The following UNC13C variants were observed in gnomAD, a reference collection of about 807,000 sequenced individuals.
UNC13C encodes the protein unc-13 homolog C.
In UNC13C, 174 loss-of-function variants were observed where a neutral mutation model predicts 245.4. The observed-to-expected ratio is 0.71, with a 90% CI of 0.63 to 0.80. The LOEUF (loss-of-function observed/expected upper bound fraction) is 0.80, where lower values mean the gene tolerates loss of function less well. UNC13C is among the 30% of genes least tolerant of loss of function. UNC13C has a pLI of 0.00. For missense variants in UNC13C, 2,829 were observed against 2,602.9 expected, an observed-to-expected ratio of 1.09 and a Z score of -1.89; for synonymous variants, 992 against 895.1, an observed-to-expected ratio of 1.11 and a Z score of -1.93.
intron 7 of UNC13C, among the ~76,000 whole-genome samples, chr15:54,240,817 G>T (rs1175809380): frequency 6.6e-6 from 1 of 152,174 alleles, no homozygotes; most frequent in African/African-American, 2.4e-5. Flanking sequence ...CTAGCACTCC[G>T]CTATCCATCT....
At chr15:54,050,462 TA>T in intron 2 of UNC13C, 1 of 551,668 alleles carries the variant, frequency 1.8e-6, no homozygotes, top group Non-Finnish European at 3.6e-6. Context: ...AAAGTTGATC[TA>T]AGCATCCAAG....
At chr15:53,946,467 A>T in the UNC13C span, among the ~76,000 whole-genome samples, 2 of 135,382 alleles carry the variant, frequency 1.5e-5, no homozygotes, top group Admixed American at 7.6e-5. Flanking sequence ...TTTTTTTTTT[A>T]AACGGAGTCT....
At chr15:54,527,887 C>T (rs1157518362) in intron 25 of UNC13C, among the ~76,000 whole-genome samples, 3 of 152,158 alleles carry the variant, frequency 2.0e-5, no homozygotes, top group East Asian at 3.8e-4. Context: ...TTATTCCTCA[C>T]ACTACCAATC....
chr15:54,524,474 A>C (rs1370654017), intron 24 of UNC13C, among the ~76,000 whole-genome samples: 2 of 152,206 alleles, frequency 1.3e-5, no homozygotes, highest in African/African-American at 2.4e-5. Flanking sequence ...TCAAATGCCA[A>C]ATGCAATATT....
chr15:54,511,521 A>G (rs1469120980), intron 23 of UNC13C, among the ~76,000 whole-genome samples: 2 of 152,116 alleles, frequency 1.3e-5, no homozygotes, highest in Non-Finnish European at 2.9e-5. Context: ...CAAGTCTCCA[A>G]TGGTTTATTG....
intron 4 of UNC13C, among the ~76,000 whole-genome samples, chr15:54,210,435 A>T (rs994030458): frequency 5.9e-5 from 9 of 151,924 alleles, no homozygotes; most frequent in African/African-American, 2.2e-4. Context: ...ATGCAATGCT[A>T]TGTCAAAATT....
At chr15:54,247,429 A>T (rs1303669504) in intron 7 of UNC13C, among the ~76,000 whole-genome samples, 1 of 152,156 alleles carries the variant, frequency 6.6e-6, no homozygotes, top group Non-Finnish European at 1.5e-5. Context: ...CTATTATGAG[A>T]TTATTTTTAT....
intron 13 of UNC13C, among the ~76,000 whole-genome samples, chr15:54,301,595 A>G (rs1011216725): frequency 4.6e-5 from 7 of 152,118 alleles, no homozygotes; most frequent in Admixed American, 1.3e-4. Context: ...AGCTTCAACA[A>G]TGTCCCTGCA....
chr15:54,372,811 G>A (rs1849211), intron 17 of UNC13C, among the ~76,000 whole-genome samples: 18,702 of 152,160 alleles, frequency 0.12, 1,621 homozygotes, highest in East Asian at 0.42. Context: ...TTTGTGCAGT[G>A]GTAGAAGCAT....
At chr15:54,124,377 A>G (rs2030890855) in intron 2 of UNC13C, among the ~76,000 whole-genome samples, 1 of 152,136 alleles carries the variant, frequency 6.6e-6, no homozygotes, top group Non-Finnish European at 1.5e-5. Context: ...TTTTATTTGC[A>G]TTTTCTAAAT....
intron 19 of UNC13C, among the ~76,000 whole-genome samples, chr15:54,467,920 G>A (rs1892268896): frequency 6.6e-6 from 1 of 151,678 alleles, no homozygotes; most frequent in Non-Finnish European, 1.5e-5. Flanking sequence ...ACATGGGAGT[G>A]TAGATGTAGA....
intron 29 of UNC13C, among the ~76,000 whole-genome samples, chr15:54,564,559 A>G (rs1349939511): frequency 3.3e-5 from 5 of 152,008 alleles, no homozygotes; most frequent in African/African-American, 9.7e-5. Flanking sequence ...ACCTTCTCCT[A>G]TGAAGCTTTC....
intron 17 of UNC13C, among the ~76,000 whole-genome samples, chr15:54,341,055 C>T (rs2038715982): frequency 6.6e-6 from 1 of 152,138 alleles, no homozygotes; most frequent in African/African-American, 2.4e-5. Flanking sequence ...GGAGGTTTCT[C>T]AAAAAACTTA....
At chr15:53,863,034 G>C in the UNC13C span, among the ~76,000 whole-genome samples, 2 of 152,128 alleles carry the variant, frequency 1.3e-5, no homozygotes, top group Admixed American at 1.3e-4. Flanking sequence ...GAGACTGTAG[G>C]TATGATTCAT....
intron 26 of UNC13C, among the ~76,000 whole-genome samples, chr15:54,533,931 C>A (rs1196262993): frequency 6.6e-6 from 1 of 152,142 alleles, no homozygotes; most frequent in Non-Finnish European, 1.5e-5. Flanking sequence ...TTTTGAATGC[C>A]TACCAAGGGA....
chr15:53,886,317 T>C, the UNC13C span, among the ~76,000 whole-genome samples: 1 of 152,034 alleles, frequency 6.6e-6, no homozygotes, highest in African/African-American at 2.4e-5. Context: ...CAGAGAGTTA[T>C]GAAGTGAAAG....
intron 17 of UNC13C, among the ~76,000 whole-genome samples, chr15:54,376,700 G>A (rs1406510831): frequency 6.6e-6 from 1 of 152,164 alleles, no homozygotes; most frequent in African/African-American, 2.4e-5. Flanking sequence ...AAGAAAAGCA[G>A]TAACATGTGC....
intron 1 of UNC13C, among the ~76,000 whole-genome samples, chr15:53,987,002 A>C (rs1894172372): frequency 6.6e-6 from 1 of 152,088 alleles, no homozygotes; most frequent in Admixed American, 6.6e-5. Flanking sequence ...AGATATTTAC[A>C]GGTGAGGATA....
chr15:54,298,103 C>T (rs1293864845), intron 12 of UNC13C, among the ~76,000 whole-genome samples, 177 bp downstream of exon 12: 2 of 151,980 alleles, frequency 1.3e-5, no homozygotes, highest in Admixed American at 1.3e-4. Context: ...TTGTATTACC[C>T]CTGACGAACT....
Sources: allele counts gnomAD v4.1 joint callset (sites outside exome capture counted in the v4.1 genomes callset), GRCh38; gene constraint gnomAD v4.1.1; transcripts MANE v1.5; gene names NCBI Gene and HGNC (gene_info 2026-07-23, HGNC 2026-07-21).